EYS: variants seen among roughly 807,000 people sequenced by gnomAD.
The protein encoded by EYS is protein eyes shut homolog.
In EYS, 250 loss-of-function variants were observed where a neutral mutation model predicts 282.1. The ratio of observed to expected loss-of-function variants is 0.89; its 90% CI spans 0.80 to 0.98. The LOEUF (loss-of-function observed/expected upper bound fraction) is 0.98, where lower values mean the gene tolerates loss of function less well. Ranked by LOEUF, EYS falls within the 50% of genes least tolerant of loss-of-function variation. The pLI, the probability that EYS is intolerant of heterozygous loss-of-function variation, is 0.00. For missense variants in EYS, 4,016 were observed against 3,709.0 expected (o/e 1.08, Z -2.15); for synonymous variants, 1,355 against 1,282.9 (o/e 1.06, Z -1.20).
chr6:65,242,014 A>C (rs949340463), intron 12 of EYS, among the ~76,000 whole-genome samples: 1 of 152,142 alleles, frequency 6.6e-6, no homozygotes, highest in Non-Finnish European at 1.5e-5. Flanking sequence ...AAATTCCAGC[A>C]AAATTCCTAC....
intron 19 of EYS, among the ~76,000 whole-genome samples, chr6:64,875,464 TG>T (rs1316839985): frequency 1.3e-5 from 2 of 152,056 alleles, no homozygotes; most frequent in African/African-American, 4.8e-5. Context: ...TGATATCAGT[TG>T]CATTTGAAAT....
chr6:64,327,111 G>A (rs617515), intron 29 of EYS, among the ~76,000 whole-genome samples: 100,826 of 151,890 alleles, frequency 0.66, 33,627 homozygotes, highest in South Asian at 0.71. Context: ...GGCGTGATGT[G>A]GGGAGGCACG....
intron 7 of EYS, among the ~76,000 whole-genome samples, chr6:65,389,444 C>T (rs78764492): frequency 2.3e-3 from 345 of 152,196 alleles, no homozygotes; most frequent in African/African-American, 7.6e-3. Flanking sequence ...TTCAAATCTC[C>T]GCCAAAATAT....
rs76395010 is a variant in EYS, at chr6:64,866,828, A to G, written c.2992+19869T>C. 1.6e-3 allele frequency among the ~76,000 whole-genome samples: 236 copies of G among 151,958 alleles called. 1 individual carries two copies. The highest frequency in any genetic ancestry group is 3.1e-3 in the Non-Finnish European group (211 of 67,722). Reference sequence around the variant, plus strand: ...AATATTAATTTTCCAATTTCAATAAAAAGAGCAGATGGTTAACATTAAGAG... The same window carrying G: ...AATATTAATTTTCCAATTTCAATAAGAAGAGCAGATGGTTAACATTAAGAG... On this transcript the variant is annotated intron_variant, in intron 19 of 42. Transcript: ENST00000503581.
intron 19 of EYS, among the ~76,000 whole-genome samples, chr6:64,851,310 T>C (rs539191878): frequency 7.5e-4 from 114 of 152,120 alleles, no homozygotes; most frequent in African/African-American, 2.7e-3. Flanking sequence ...GGCTCCTTTG[T>C]TTCGTGATTT....
chr6:65,591,168 C>T (rs953874068), intron 2 of EYS, among the ~76,000 whole-genome samples: 3 of 151,844 alleles, frequency 2.0e-5, no homozygotes, highest in African/African-American at 4.8e-5. Context: ...TTGATAATAG[C>T]CATTGAAGGT....
At chr6:64,242,485 G>C (rs899663175) in intron 30 of EYS, among the ~76,000 whole-genome samples, 10 of 151,916 alleles carry the variant, frequency 6.6e-5, no homozygotes, top group African/African-American at 2.4e-4. Context: ...TGTTTCAACA[G>C]TTTTATGTTC....
chr6:64,727,714 C>G lies in EYS; in HGVS notation c.3443+85664G>C, dbSNP rs1202923618. On this transcript the variant is annotated intron_variant, in intron 22 of 42. Transcript: ENST00000503581. ...ATCATCTTAGCCAACAACATCTTAG[C>G]ACACAATCTCATAACACAATGTTTA... Among the ~76,000 whole-genome samples the G allele has an allele frequency of 4.6e-5, 7 of 152,178 alleles. No homozygotes were observed. In the South Asian group the frequency reaches 1.4e-3, roughly 32 times the overall value.
At chr6:64,894,997 C>T (rs1156295055) in intron 18 of EYS, among the ~76,000 whole-genome samples, 1 of 152,070 alleles carries the variant, frequency 6.6e-6, no homozygotes, top group Non-Finnish European at 1.5e-5. Context: ...TCTTGTCATG[C>T]CCCTTTAGAC....
chr6:64,848,940 G>T (rs1408145024), intron 19 of EYS, among the ~76,000 whole-genome samples: 1 of 152,058 alleles, frequency 6.6e-6, no homozygotes, highest in Non-Finnish European at 1.5e-5. Context: ...CTTGAATTAT[G>T]CAGTTTGAAT....
intron 26 of EYS, among the ~76,000 whole-genome samples, chr6:64,580,873 T>C (rs1356333325): frequency 1.3e-5 from 2 of 152,070 alleles, no homozygotes; most frequent in Admixed American, 6.6e-5. Flanking sequence ...ATATAATTCA[T>C]AGTATTTTTG....
At position 64,863,678 on chromosome 6, in the gene EYS, C is replaced by T. The variant is rs571931653; in HGVS notation, c.2992+23019G>A. Among the ~76,000 whole-genome samples the T allele has an allele frequency of 6.5e-4, 99 of 152,182 alleles. 2 individuals are homozygous for T. The South Asian group carries it at 0.02, about 31-fold the overall frequency. On this transcript the variant is annotated intron_variant, in intron 19 of 42. Transcript: ENST00000503581. ...AGCTTTATTTTTAAGTCATGATCAT[C>T]TTTCAACTCTGGCTGGTCAGATATT...
At chr6:65,589,966 T>TA (rs996900162) in intron 2 of EYS, among the ~76,000 whole-genome samples, 2 of 151,940 alleles carry the variant, frequency 1.3e-5, no homozygotes, top group African/African-American at 4.8e-5. Flanking sequence ...CTTTATAATT[T>TA]AAAAAATCAT....
intron 18 of EYS, among the ~76,000 whole-genome samples, chr6:64,893,409 GTTTT>G (rs967923163): frequency 2.0e-5 from 3 of 151,928 alleles, no homozygotes; most frequent in African/African-American, 7.2e-5. Context: ...TTTTTAATAC[GTTTT>G]TTGTTTATGT....
chr6:64,799,754 A>C lies in EYS; in HGVS notation c.3443+13624T>G, dbSNP rs137957393. The stretch of plus-strand genomic sequence containing the variant: ...AAATAAAAAATGTTACAGGAGCCAA[A>C]AGAAAACATTTATAGTTTTAAAATT... On this transcript the variant is annotated intron_variant, in intron 22 of 42. Transcript: ENST00000503581. Among the ~76,000 whole-genome samples, 815 of 151,568 alleles carry C rather than the reference A, an allele frequency of 5.4e-3. 6 individuals are homozygous for C. The highest frequency in any genetic ancestry group is 0.014 in the Middle Eastern group (4 of 286).
At chr6:64,806,151 C>T (rs1416515169) in intron 22 of EYS, among the ~76,000 whole-genome samples, 1 of 151,620 alleles carries the variant, frequency 6.6e-6, no homozygotes, top group Admixed American at 6.6e-5. Flanking sequence ...CATGTTCCAT[C>T]TTTTATTTTT....
chr6:64,510,417 T>TGATA (rs1777349124), intron 26 of EYS, among the ~76,000 whole-genome samples: 1 of 152,124 alleles, frequency 6.6e-6, no homozygotes. Context: ...GTTTCTTATA[T>TGATA]GATATATGCA....
rs116581802 is a variant in EYS, at chr6:64,515,994, C to A, written c.5644+74229G>T. 4.7e-3 allele frequency among the ~76,000 whole-genome samples: 710 copies of A among 151,766 alleles called. 5 individuals carry two copies. The highest frequency in any genetic ancestry group is 0.016 in the African/African-American group (658 of 41,444). ...TTCATATATGTGCATTAAATTCCAG[C>A]TTTTAAAAGTCACCTAAGATGTAAT... On this transcript the variant is annotated intron_variant, in intron 26 of 42. Coordinates refer to ENST00000503581, the MANE Select transcript of EYS (RefSeq NM_001142800.2).
chr6:65,394,030 T>C (rs1453554976), intron 7 of EYS, among the ~76,000 whole-genome samples: 1 of 152,130 alleles, frequency 6.6e-6, no homozygotes, highest in Non-Finnish European at 1.5e-5. Flanking sequence ...TACAAAGTTT[T>C]CTCCCAATTA....
Sources: allele counts gnomAD v4.1 joint callset (sites outside exome capture counted in the v4.1 genomes callset), GRCh38; gene constraint gnomAD v4.1.1; transcripts MANE v1.5; gene names NCBI Gene and HGNC (gene_info 2026-07-23, HGNC 2026-07-21).